Variants in SLC4A4 observed in about 807,000 individuals in gnomAD.
SLC4A4 encodes electrogenic sodium bicarbonate cotransporter 1.
Under a neutral mutation model 111.5 loss-of-function variants are expected in SLC4A4, and 27 were observed. The ratio of observed to expected loss-of-function variants is 0.24; its 90% CI spans 0.18 to 0.33. SLC4A4 has a LOEUF of 0.33. Ranked by LOEUF, SLC4A4 falls within the 10% of genes least tolerant of loss-of-function variation. The probability of loss-of-function intolerance (pLI) is 1.00; values close to 1 mark genes in which losing one functional copy is unlikely to be tolerated. For synonymous variants in SLC4A4, 443 were observed against 463.4 expected (o/e 0.96, Z 0.57); for missense variants, 909 against 1,315.5 (o/e 0.69, Z 4.78).
chr4:71,530,068 C>CT (rs1187256444), intron 16 of SLC4A4, among the ~76,000 whole-genome samples: 4 of 152,072 alleles, frequency 2.6e-5, no homozygotes, highest in Admixed American at 6.6e-5. Context: ...AAGAAACATC[C>CT]TTTTTTTGCT....
chr4:71,439,582 T>C (rs1160044810), intron 7 of SLC4A4, among the ~76,000 whole-genome samples: 3 of 151,872 alleles, frequency 2.0e-5, no homozygotes, highest in Admixed American at 6.6e-5. Flanking sequence ...ACTCTCCTTA[T>C]TGAGCTGTTT....
In SLC4A4 at chr4:71,260,166, CAG is replaced by C. The variant is rs560114870; in HGVS notation, c.253+4771_253+4772del. 1.8e-3 allele frequency among the ~76,000 whole-genome samples: 279 copies of C among 152,234 alleles called. 6 individuals carry two copies. Among genetic ancestry groups the C allele is most frequent in the Admixed American group, 0.017 (266 of 15,296 alleles). On this transcript the variant is annotated intron_variant, in intron 3 of 25. Transcript: ENST00000264485. ...TCCAGTTATATTCAGGAAACTGAAA[CAG>C]AGAAATGGGCAGCTGCTTTTGTTTG... is the stretch of plus-strand genomic sequence containing the variant.
At chr4:71,330,031 T>G (rs1382754146) in intron 3 of SLC4A4, among the ~76,000 whole-genome samples, 1 of 152,210 alleles carries the variant, frequency 6.6e-6, no homozygotes, top group Non-Finnish European at 1.5e-5. Context: ...GAATATTGAT[T>G]TTTATCAAAT....
At chr4:71,511,779 C>T (rs72853288) in intron 16 of SLC4A4, among the ~76,000 whole-genome samples, 7,080 of 152,144 alleles carry the variant, frequency 0.047, 542 homozygotes, top group African/African-American at 0.16. Flanking sequence ...CCCCATCACC[C>T]TTCCCAGATT....
intron 1 of SLC4A4, among the ~76,000 whole-genome samples, chr4:71,229,616 A>G (rs1719272566): frequency 6.6e-6 from 1 of 151,636 alleles, no homozygotes; most frequent in Non-Finnish European, 1.5e-5. Flanking sequence ...TGGGAAGGAG[A>G]TTTGCTTCGC....
intron 2 of SLC4A4, among the ~76,000 whole-genome samples, chr4:71,157,122 T>C (rs1004074847): frequency 6.6e-6 from 1 of 152,188 alleles, no homozygotes; most frequent in Non-Finnish European, 1.5e-5. Context: ...CCTGCAATTA[T>C]GGAAGGTCTG....
chr4:71,425,573 G>T (rs190489225), intron 7 of SLC4A4, among the ~76,000 whole-genome samples: 6 of 152,230 alleles, frequency 3.9e-5, no homozygotes, highest in East Asian at 1.9e-4. Flanking sequence ...CAACATGTGC[G>T]CAAGGTGGTC....
chr4:71,292,839 TTTG>T (rs1724467498), intron 3 of SLC4A4, among the ~76,000 whole-genome samples: 3 of 139,626 alleles, frequency 2.1e-5, no homozygotes, highest in African/African-American at 8.6e-5. Flanking sequence ...TTTGGTTTTT[TTTG>T]TTTTTTTTTT....
At chr4:71,210,364 A>G (rs948173605) in intron 1 of SLC4A4, among the ~76,000 whole-genome samples, 2 of 152,266 alleles carry the variant, frequency 1.3e-5, no homozygotes, top group African/African-American at 4.8e-5. Context: ...CTGTCAAAAA[A>G]CATGATGACT....
At chr4:71,168,309 G>A (rs1744839862) in intron 2 of SLC4A4, among the ~76,000 whole-genome samples, 1 of 149,734 alleles carries the variant, frequency 6.7e-6, no homozygotes, top group South Asian at 2.1e-4. Context: ...AGCCTCCCAA[G>A]TAGCTGGAAT....
chr4:71,493,025 G>A (rs1471929034), intron 15 of SLC4A4, among the ~76,000 whole-genome samples: 1 of 151,756 alleles, frequency 6.6e-6, no homozygotes, highest in Non-Finnish European at 1.5e-5. Context: ...ACCTGTAAAG[G>A]TTACATTCGT....
chr4:71,385,191 A>ATATATATAT (rs56949097), intron 6 of SLC4A4, among the ~76,000 whole-genome samples: 8 of 11,900 alleles, frequency 6.7e-4, no homozygotes, highest in African/African-American at 1.3e-3. Flanking sequence ...ATATATATAT[A>ATATATATAT]TTTTTTTTTT....
At chr4:71,374,766 C>A (rs781127234) in intron 6 of SLC4A4, among the ~76,000 whole-genome samples, 2 of 151,518 alleles carry the variant, frequency 1.3e-5, no homozygotes, top group Admixed American at 1.3e-4. Flanking sequence ...CGTTGGCAGT[C>A]TGCTAAAATT....
intron 6 of SLC4A4, 101 bp downstream of exon 6, chr4:71,357,288 C>A (rs1730367950): frequency 6.4e-6 from 8 of 1,258,556 alleles, no homozygotes; most frequent in Non-Finnish European, 9.2e-6. Flanking sequence ...CATATTTTTT[C>A]TTTTCTTGAG....
chr4:71,296,959 A>G (rs1194900833), intron 3 of SLC4A4, among the ~76,000 whole-genome samples: 1 of 152,220 alleles, frequency 6.6e-6, no homozygotes, highest in Non-Finnish European at 1.5e-5. Flanking sequence ...CTAATCTTCT[A>G]TTAAAGATAA....
chr4:71,438,147 G>A (rs922086375), intron 7 of SLC4A4, among the ~76,000 whole-genome samples: 4 of 152,044 alleles, frequency 2.6e-5, no homozygotes, highest in East Asian at 1.9e-4. Flanking sequence ...AGACGGTTCC[G>A]AAAAAATGGA....
chr4:71,459,486 T>C (rs967360057), intron 12 of SLC4A4, among the ~76,000 whole-genome samples: 2 of 152,062 alleles, frequency 1.3e-5, no homozygotes, highest in Non-Finnish European at 2.9e-5. Context: ...ATAACTTTAG[T>C]ATTTCATGGA....
intron 9 of SLC4A4, among the ~76,000 whole-genome samples, chr4:71,447,976 A>G (rs143829776): frequency 1.4e-4 from 22 of 152,312 alleles, no homozygotes; most frequent in African/African-American, 4.8e-4. Context: ...CCTTTCTTTT[A>G]CCAAACATTT....
At chr4:71,291,152 C>T (rs1449081407) in intron 3 of SLC4A4, among the ~76,000 whole-genome samples, 1 of 152,024 alleles carries the variant, frequency 6.6e-6, no homozygotes. Context: ...TGGTGAAGAA[C>T]TCAAATTTTA....
Sources: allele counts gnomAD v4.1 joint callset (sites outside exome capture counted in the v4.1 genomes callset), GRCh38; gene constraint gnomAD v4.1.1; transcripts MANE v1.5; gene names NCBI Gene and HGNC (gene_info 2026-07-23, HGNC 2026-07-21).